Variants in BACH2 observed in about 807,000 individuals in gnomAD.
BACH2 encodes the protein BACH transcriptional regulator 2.
A neutral mutation model predicts 61.8 loss-of-function variants in BACH2; 5 were observed. That is an observed-to-expected ratio of 0.08 (90% confidence interval 0.04 to 0.17). The LOEUF (loss-of-function observed/expected upper bound fraction) is 0.17. Ranked by LOEUF, BACH2 falls within the 10% of genes least tolerant of loss-of-function variation. The probability of loss-of-function intolerance (pLI) is 1.00; values close to 1 mark genes in which losing one functional copy is unlikely to be tolerated. For synonymous variants in BACH2, 446 were observed against 440.1 expected, an observed-to-expected ratio of 1.01 and a Z score of -0.17; for missense variants, 824 against 1,091.1, an observed-to-expected ratio of 0.76 and a Z score of 3.45.
chr6:89,998,233 T>C (rs1776957377), intron 6 of BACH2, among the ~76,000 whole-genome samples: 1 of 152,118 alleles, frequency 6.6e-6, no homozygotes, highest in Non-Finnish European at 1.5e-5. Context: ...GTATTTCTCT[T>C]TGCTGCCAGT....
Position 89,950,591 on chromosome 6 carries a change from T to C in BACH2, c.1515A>G (p.Lys505=), listed in dbSNP as rs1389347594. The C allele has an allele frequency of 1.2e-6, 2 of 1,612,432 alleles. No individual in the cohort carries two copies. The highest frequency in any genetic ancestry group is 1.7e-5 in the Admixed American group (1 of 59,966). Residue 505 remains lysine, a synonymous_variant, in exon 7 of 9, where the codon AAA becomes AAG. Transcript: ENST00000257749. This position sits in a 1 kb window ranked among gnomAD's most constrained non-coding sequence, Gnocchi z 5.3. ...RPNTSCPVPI[K]VCPRSPPLET... ...CCAAGGGGGGTGAGCGAGGGCAGAC[T>C]TTGATTGGTACCGGGCAGCTGGTGT...
At chr6:90,032,627 C>G (rs1314219758) in intron 5 of BACH2, among the ~76,000 whole-genome samples, 1 of 151,936 alleles carries the variant, frequency 6.6e-6, no homozygotes, top group Non-Finnish European at 1.5e-5. Flanking sequence ...CACTGGCCAT[C>G]AGAGAAATGC....
chr6:90,122,667 G>A (rs991792655), intron 4 of BACH2, among the ~76,000 whole-genome samples: 2 of 152,122 alleles, frequency 1.3e-5, no homozygotes, highest in Non-Finnish European at 2.9e-5. Context: ...GGAGAGCCTG[G>A]GCAAAGAAGA....
At chr6:90,017,039 A>G (rs758671806) in intron 5 of BACH2, among the ~76,000 whole-genome samples, 13 of 151,950 alleles carry the variant, frequency 8.6e-5, no homozygotes, top group Non-Finnish European at 1.5e-4. Flanking sequence ...GGATACGTGG[A>G]TAGTTTTAAC....
intron 6 of BACH2, among the ~76,000 whole-genome samples, chr6:89,992,470 A>G (rs1776631338): frequency 6.6e-6 from 1 of 152,144 alleles, no homozygotes; most frequent in South Asian, 2.1e-4. Flanking sequence ...GAAAAACCCC[A>G]TCTCTATTAA....
intron 6 of BACH2, among the ~76,000 whole-genome samples, chr6:90,002,455 C>G (rs761260832): frequency 1.3e-5 from 2 of 152,166 alleles, no homozygotes; most frequent in Non-Finnish European, 2.9e-5. Context: ...TAGATGTCAA[C>G]AGGCATCTCA....
At chr6:89,989,282 C>T (rs576445111) in intron 6 of BACH2, among the ~76,000 whole-genome samples, 13 of 152,234 alleles carry the variant, frequency 8.5e-5, no homozygotes, top group Non-Finnish European at 1.5e-4. Flanking sequence ...AAAATCTATA[C>T]CCATTAAACA....
intron 4 of BACH2, among the ~76,000 whole-genome samples, chr6:90,112,531 T>C (rs1034403032): frequency 1.3e-5 from 2 of 152,312 alleles, no homozygotes; most frequent in East Asian, 3.9e-4. Flanking sequence ...AGAAATTAGA[T>C]CCTTTTCAGA....
chr6:90,224,627 T>A (rs1275993633), intron 3 of BACH2, among the ~76,000 whole-genome samples: 1 of 152,206 alleles, frequency 6.6e-6, no homozygotes, highest in Non-Finnish European at 1.5e-5. Flanking sequence ...TTTGTGTGCA[T>A]TTTCTTTTAT....
intron 4 of BACH2, among the ~76,000 whole-genome samples, chr6:90,096,473 T>C (rs1320503866): frequency 1.3e-5 from 2 of 152,204 alleles, no homozygotes; most frequent in Non-Finnish European, 2.9e-5. Flanking sequence ...ACCTATCTTC[T>C]CTCTTGGTCC....
intron 5 of BACH2, among the ~76,000 whole-genome samples, chr6:90,026,405 C>T (rs1010774215): frequency 5.3e-5 from 8 of 152,188 alleles, no homozygotes; most frequent in Admixed American, 6.5e-5. Context: ...AGTGACAATG[C>T]TGGGCTTGAG....
intron 3 of BACH2, among the ~76,000 whole-genome samples, chr6:90,240,159 T>C (rs541583602): frequency 3.3e-5 from 5 of 152,300 alleles, no homozygotes; most frequent in Admixed American, 6.5e-5. Context: ...AGTCATCTAC[T>C]AGGTCAAAAA....
chr6:90,035,657 G>A (rs539291139), intron 5 of BACH2, among the ~76,000 whole-genome samples: 84 of 151,874 alleles, frequency 5.5e-4, no homozygotes, highest in Admixed American at 1.2e-3. Context: ...AGTATGCCAG[G>A]GTTTGAATTC....
At chr6:90,150,916 C>A (rs1018899731) in intron 4 of BACH2, among the ~76,000 whole-genome samples, 1 of 152,082 alleles carries the variant, frequency 6.6e-6, no homozygotes, top group Non-Finnish European at 1.5e-5. Flanking sequence ...GAGAGCTGAG[C>A]GGTGCATTTT....
chr6:89,959,681 C>T (rs1410382758), intron 6 of BACH2, among the ~76,000 whole-genome samples: 2 of 152,160 alleles, frequency 1.3e-5, no homozygotes, highest in Non-Finnish European at 2.9e-5. Flanking sequence ...CTGAAATAGT[C>T]CTTACCAACT....
chr6:90,240,980 A>G (rs1337673103), intron 3 of BACH2, among the ~76,000 whole-genome samples: 2 of 152,002 alleles, frequency 1.3e-5, no homozygotes, highest in African/African-American at 4.8e-5. Flanking sequence ...AAAGTATAGA[A>G]AAAATTAGCC....
At chr6:90,186,278 C>G (rs1768353022) in intron 4 of BACH2, among the ~76,000 whole-genome samples, 1 of 152,106 alleles carries the variant, frequency 6.6e-6, no homozygotes, top group Admixed American at 6.6e-5. Flanking sequence ...ACCAAAACAG[C>G]CCTAAGTCAA....
intron 3 of BACH2, among the ~76,000 whole-genome samples, chr6:90,231,125 T>G (rs1770082967): frequency 6.6e-6 from 1 of 152,216 alleles, no homozygotes; most frequent in African/African-American, 2.4e-5. Flanking sequence ...AGCTGTGGTT[T>G]GTTTGTGGCC....
intron 7 of BACH2, among the ~76,000 whole-genome samples, chr6:89,947,620 C>T (rs1313482565): frequency 6.6e-6 from 1 of 151,632 alleles, no homozygotes; most frequent in Non-Finnish European, 1.5e-5. Flanking sequence ...GGCAGGAGTG[C>T]AGCGGCGCGA....
Sources: allele counts gnomAD v4.1 joint callset (sites outside exome capture counted in the v4.1 genomes callset), GRCh38; gene constraint gnomAD v4.1.1; non-coding constraint Gnocchi (gnomAD v3.1); transcripts MANE v1.5; gene names NCBI Gene and HGNC (gene_info 2026-07-23, HGNC 2026-07-21).